PCDHGA3: variants seen among roughly 807,000 people sequenced by gnomAD.
The protein encoded by PCDHGA3 is protocadherin gamma subfamily A, 3, also known as protocadherin gamma-A3.
A neutral mutation model predicts 58.5 loss-of-function variants in PCDHGA3; 40 were observed. That is an observed-to-expected ratio of 0.68 (90% confidence interval 0.53 to 0.89). The LOEUF is 0.89. PCDHGA3 is among the 40% of genes least tolerant of loss of function. PCDHGA3 has a pLI of 0.00. For synonymous variants in PCDHGA3, 530 were observed against 525.7 expected, an observed-to-expected ratio of 1.01 and a Z score of -0.11; for missense variants, 1,223 against 1,195.9, an observed-to-expected ratio of 1.02 and a Z score of -0.33.
intron 1 of PCDHGA3, chr5:141,387,676 G>C: frequency 2.7e-6 from 2 of 732,232 alleles, no homozygotes; most frequent in Non-Finnish European, 4.3e-6. Context: ...AGATCTCCTC[G>C]CGCAGCCGCA....
intron 1 of PCDHGA3, among the ~76,000 whole-genome samples, chr5:141,472,102 T>C (rs1231168102): frequency 6.6e-6 from 1 of 152,240 alleles, no homozygotes; most frequent in Non-Finnish European, 1.5e-5. Flanking sequence ...ATTCCCATTT[T>C]ATACATAAAG....
At chr5:141,418,674 GCAT>G (rs1401114725) in intron 1 of PCDHGA3, 1 of 1,614,032 alleles carries the variant, frequency 6.2e-7, no homozygotes, top group Non-Finnish European at 8.5e-7. Flanking sequence ...CAGGACGAGG[GCAT>G]CAACTCAGAG....
rs370190281 is a variant in PCDHGA3, at chr5:141,401,943, A to G, written c.2424+55486A>G. Among the ~76,000 whole-genome samples the G allele has an allele frequency of 3.9e-5, 6 of 152,312 alleles. No homozygotes were observed. In the South Asian group the frequency reaches 1.0e-3, roughly 26 times the overall value. On this transcript the variant is annotated intron_variant, in intron 1 of 3. Coordinates refer to ENST00000253812, the MANE Select transcript of PCDHGA3 (RefSeq NM_018916.4). ...AGTGATGCTTAGAATAATGTTTAAG[A>G]CCACTTTAAAATTGCATAATTTATT...
At chr5:141,359,373 A>C (rs1415898355) in intron 1 of PCDHGA3, among the ~76,000 whole-genome samples, 1 of 152,158 alleles carries the variant, frequency 6.6e-6, no homozygotes, top group East Asian at 1.9e-4. Context: ...GGAAAGCAGT[A>C]GATAATTTAT....
Position 141,376,680 on chromosome 5 carries a change from T to TTTTTTTTTGTTTTG in PCDHGA3, c.2424+30231_2424+30232insGTTTTGTTTTTTTT, listed in dbSNP as rs1431701982. ...CCTTGTTCAGGTGAGGGTATCGTTT[T>TTTTTTTTTGTTTTG]TTTTTTTTTTTTTTTTTGAGACGGA... On this transcript the variant is annotated intron_variant, in intron 1 of 3. Transcript: ENST00000253812. The TTTTTTTTTGTTTTG allele has an allele frequency of 6.0e-6, 4 of 666,834 alleles. No individual in the cohort carries two copies. In the African/African-American group the frequency reaches 8.2e-5, roughly 14 times the overall value. The allele number at this position is 666,834 out of a possible 1,614,324, so 41.3% of individuals were successfully genotyped here.
rs1414210927 is a variant in PCDHGA3, at chr5:141,477,460, C to G, written c.2425-17347C>G. 1.9e-6 allele frequency: 3 copies of G among 1,614,014 alleles called. No homozygotes were observed. The highest frequency in any genetic ancestry group is 2.5e-6 in the Non-Finnish European group (3 of 1,180,028). On this transcript the variant is annotated intron_variant, in intron 1 of 3. Transcript: ENST00000253812. The surrounding 1 kb of genome is among the most constrained non-coding windows in gnomAD (Gnocchi z 4.9). ...TTACAATAGTGCGTGTTCAAGTGTC[C>G]GACATCAATGACAACCCTCCACAAT...
chr5:141,388,356 C>T (rs756910714), intron 1 of PCDHGA3: 1 of 1,613,826 alleles, frequency 6.2e-7, no homozygotes. Flanking sequence ...AGGATCTGCC[C>T]ATGATGCGGA....
chr5:141,355,143 T>C, intron 1 of PCDHGA3: 1 of 1,525,970 alleles, frequency 6.6e-7, no homozygotes, highest in Non-Finnish European at 8.8e-7. Context: ...ATCCTGGGGC[T>C]CCTCAGGCCT....
chr5:141,431,375 G>C lies in PCDHGA3; in HGVS notation c.2425-63432G>C. ...ACGCGCCCTGGACCGCGAAGAAAAG[G>C]CTGCTCACCACCTGGTCCTTACGGC... On this transcript the variant is annotated intron_variant, in intron 1 of 3. Transcript: ENST00000253812. This position sits in a 1 kb window ranked among gnomAD's most constrained non-coding sequence, Gnocchi z 4.8. 6.2e-7 allele frequency: 1 copy of C among 1,613,422 alleles called. No individual in the cohort carries two copies. The highest frequency in any genetic ancestry group is 8.5e-7 in the Non-Finnish European group (1 of 1,179,570).
intron 1 of PCDHGA3, chr5:141,413,467 G>T: frequency 6.2e-7 from 1 of 1,614,136 alleles, no homozygotes; most frequent in Non-Finnish European, 8.5e-7. Context: ...AGACCGGGAG[G>T]AGCTCTGCGC....
intron 2 of PCDHGA3, among the ~76,000 whole-genome samples, chr5:141,503,998 A>G (rs746158378): frequency 4.6e-5 from 7 of 152,104 alleles, no homozygotes; most frequent in Admixed American, 1.3e-4. Context: ...CCTTACAGTC[A>G]CTTAACTGTC....
intron 1 of PCDHGA3, chr5:141,364,990 G>C (rs1363998069): frequency 1.2e-6 from 2 of 1,613,862 alleles, no homozygotes; most frequent in Admixed American, 1.7e-5. Flanking sequence ...GCGGAGACCC[G>C]GTACTCTCCG....
rs185055424 is a variant in PCDHGA3, at chr5:141,457,894, G to A, written c.2425-36913G>A. Among the ~76,000 whole-genome samples the A allele has an allele frequency of 3.2e-3, 488 of 152,332 alleles. 1 individual carries two copies. Among genetic ancestry groups the A allele is most frequent in the Non-Finnish European group, 5.0e-3 (342 of 68,028 alleles). On this transcript the variant is annotated intron_variant, in intron 1 of 3. Transcript: ENST00000253812. ...GTTAGGAACCCTGTGTGGGGACTGT[G>A]TAGACAAGGTGTGAGGCCAGTTCTC...
intron 1 of PCDHGA3, among the ~76,000 whole-genome samples, chr5:141,381,671 T>TGCTGCAGCCAAGACAA (rs1777346396): frequency 6.6e-6 from 1 of 152,206 alleles, no homozygotes; most frequent in Non-Finnish European, 1.5e-5. Flanking sequence ...TATAGCTGAT[T>TGCTGCAGCCAAGACAA]GCTGCAGCCA....
chr5:141,430,881 A>G, intron 1 of PCDHGA3: 4 of 1,600,896 alleles, frequency 2.5e-6, no homozygotes, highest in Non-Finnish European at 3.4e-6. Flanking sequence ...GAGCTGGAGA[A>G]AGGCTCTAGG....
intron 1 of PCDHGA3, chr5:141,389,758 G>A: frequency 1.2e-6 from 2 of 1,612,792 alleles, no homozygotes; most frequent in Non-Finnish European, 1.7e-6. Flanking sequence ...GGCGAAGTGC[G>A]CACAGCGCGT....
chr5:141,382,534 T>G (rs1284471897), intron 1 of PCDHGA3, among the ~76,000 whole-genome samples: 1 of 152,218 alleles, frequency 6.6e-6, no homozygotes, highest in Non-Finnish European at 1.5e-5. Context: ...TAAAATGGAT[T>G]TTTAATTATC....
intron 1 of PCDHGA3, chr5:141,414,330 G>T: frequency 6.2e-7 from 1 of 1,613,714 alleles, no homozygotes; most frequent in Non-Finnish European, 8.5e-7. Flanking sequence ...AGAATGGACA[G>T]GTAACCTGTT....
intron 1 of PCDHGA3, among the ~76,000 whole-genome samples, chr5:141,444,110 A>C (rs1284415694): frequency 6.7e-6 from 1 of 149,880 alleles, no homozygotes; most frequent in Non-Finnish European, 1.5e-5. Flanking sequence ...AACCAAGAAA[A>C]GTGAAGTATC....
Sources: allele counts gnomAD v4.1 joint callset (sites outside exome capture counted in the v4.1 genomes callset), GRCh38; gene constraint gnomAD v4.1.1; non-coding constraint Gnocchi (gnomAD v3.1); transcripts MANE v1.5; gene names NCBI Gene and HGNC (gene_info 2026-07-23, HGNC 2026-07-21).